The following HDLBP variants were observed in gnomAD, a reference collection of about 807,000 sequenced individuals.
The protein encoded by HDLBP is vigilin.
In HDLBP, 30 loss-of-function variants were observed where a neutral mutation model predicts 137.3. The observed-to-expected ratio is 0.22, with a 90% CI of 0.16 to 0.30. The LOEUF (loss-of-function observed/expected upper bound fraction) is 0.30. Ranked by LOEUF, HDLBP falls within the 10% of genes least tolerant of loss-of-function variation. HDLBP has a pLI of 1.00. For missense variants in HDLBP, 1,119 were observed against 1,667.3 expected, an observed-to-expected ratio of 0.67 and a Z score of 5.73; for synonymous variants, 606 against 596.0, an observed-to-expected ratio of 1.02 and a Z score of -0.24.
chr2:241,273,849 C>G (rs1268779915), intron 1 of HDLBP, among the ~76,000 whole-genome samples: 1 of 142,808 alleles, frequency 7.0e-6, no homozygotes, highest in South Asian at 2.2e-4. Context: ...CAGGATCAGA[C>G]GTGTTTTTTT....
chr2:241,240,373 C>G lies in HDLBP; in HGVS notation c.2170-251G>C, dbSNP rs563221269. On this transcript the variant is annotated intron_variant, in intron 17 of 27. Transcript: ENST00000310931. The surrounding 1 kb of genome is among the most constrained non-coding windows in gnomAD (Gnocchi z 5.5). ...TGGGATGAACACACAGGCTTAGAAC[C>G]CTGGTCCTGCCACTTACAAGCACTG... Among the ~76,000 whole-genome samples the G allele has an allele frequency of 3.3e-5, 5 of 152,330 alleles. No individual in the cohort carries two copies. The highest frequency in any genetic ancestry group is 1.3e-4 in the Admixed American group (2 of 15,302).
chr2:241,290,114 A>AAC (rs2074962839), intron 1 of HDLBP, among the ~76,000 whole-genome samples: 2 of 152,228 alleles, frequency 1.3e-5, no homozygotes. Flanking sequence ...CAGTTAATGA[A>AAC]AAGAGCAACG....
chr2:241,303,179 C>T (rs1485424203), intron 1 of HDLBP, among the ~76,000 whole-genome samples: 23 of 152,182 alleles, frequency 1.5e-4, no homozygotes, highest in South Asian at 4.1e-4. Context: ...GCCAGCCAAA[C>T]GAGCTGTGAT....
In HDLBP at chr2:241,233,724, G is replaced by T; in HGVS notation, c.3288+96C>A. ...ACTTGCCACTCTCAACTTGGCCCTC[G>T]AACCCCCATCTAGGCACATCTGGTT... On this transcript the variant is annotated intron_variant, in intron 24 of 27. Transcript: ENST00000310931. The surrounding 1 kb of genome is among the most constrained non-coding windows in gnomAD (Gnocchi z 4.3). The T allele has an allele frequency of 7.1e-7, 1 of 1,411,546 alleles. No homozygotes were observed. Among genetic ancestry groups the T allele is most frequent in the Non-Finnish European group, 9.8e-7 (1 of 1,017,138 alleles). The allele number at this position is 1,411,546 out of a possible 1,614,324, so 87.4% of individuals were successfully genotyped here.
At chr2:241,271,748 TG>T (rs1170774941) in intron 1 of HDLBP, among the ~76,000 whole-genome samples, 2 of 151,862 alleles carry the variant, frequency 1.3e-5, no homozygotes, top group Non-Finnish European at 2.9e-5. Context: ...AGCCTCCGGC[TG>T]AAACCCAGAC....
chr2:241,253,000 G>T lies in HDLBP; in HGVS notation c.1329C>A (p.Asp443Glu), dbSNP rs1169568768. The T allele has an allele frequency of 6.2e-7, 1 of 1,609,426 alleles. No homozygotes were observed. The highest frequency in any genetic ancestry group is 8.5e-7 in the Non-Finnish European group (1 of 1,176,132). Residue 443 changes from aspartate to glutamate, a missense_variant, in exon 11 of 28, where the codon GAC (aspartate) becomes GAA (glutamate). This residue lies in a region of HDLBP where 425 missense variants were observed against 693.9 expected (regional missense o/e 0.61). Transcript: ENST00000310931. ...NRMDYVEINI[D>E]HKFHRHLIGK... Reference sequence around the variant, plus strand: ...CAATGAGGTGCCTGTGGAACTTGTGGTCGATGTTGATCTCCACATAGTCCA... The same window carrying T: ...CAATGAGGTGCCTGTGGAACTTGTGTTCGATGTTGATCTCCACATAGTCCA...
intron 16 of HDLBP, among the ~76,000 whole-genome samples, chr2:241,244,104 G>A (rs2071490435): frequency 1.3e-5 from 2 of 152,268 alleles, no homozygotes; most frequent in South Asian, 4.1e-4. Flanking sequence ...AAATGAAAAT[G>A]ATATTAGATG....
At chr2:241,298,410 G>T (rs557172290) in intron 1 of HDLBP, among the ~76,000 whole-genome samples, 1 of 151,970 alleles carries the variant, frequency 6.6e-6, no homozygotes, top group South Asian at 2.1e-4. Context: ...AATAAATAAA[G>T]GACACAGGAG....
intron 24 of HDLBP, among the ~76,000 whole-genome samples, chr2:241,231,868 C>G (rs1231746471): frequency 6.6e-6 from 1 of 151,160 alleles, no homozygotes; most frequent in Non-Finnish European, 1.5e-5. Flanking sequence ...CAAAAACCAC[C>G]ATGCAACAGG....
At position 241,236,284 on chromosome 2, in the gene HDLBP, G is replaced by GA; in HGVS notation, c.2904+330dup. The stretch of plus-strand genomic sequence containing the variant: ...CCTGATAACCCCACTCACGCGGGGG[G>GA]AGACGTTGCAACTGGAGGTCACATT... On this transcript the variant is annotated intron_variant, in intron 21 of 27. Coordinates refer to ENST00000310931, the MANE Select transcript of HDLBP (RefSeq NM_005336.6). 5 of 345,614 alleles carry GA rather than the reference G, an allele frequency of 1.4e-5. No individual in the cohort carries two copies. The South Asian group carries it at 2.0e-4, about 14-fold the overall frequency. 21.4% of individuals were successfully genotyped at this position (345,614 alleles called of 1,614,324 possible). A position where few individuals can be genotyped will look rare whatever the true frequency, so the allele number is the denominator to read the frequency against.
rs2069632467 is a variant in HDLBP, at chr2:241,230,662, A to G, written c.3474+97T>C. ...CCAGCCCTGGGGTTGTGGCCTCATC[A>G]TCTTGAGGGGAAGGCCATGCCCTGC... On this transcript the variant is annotated intron_variant, in intron 25 of 27. Coordinates refer to ENST00000310931, the MANE Select transcript of HDLBP (RefSeq NM_005336.6). The surrounding 1 kb of genome is among the most constrained non-coding windows in gnomAD (Gnocchi z 5.0). 6 of 1,062,456 alleles carry G rather than the reference A, an allele frequency of 5.6e-6. No homozygotes were observed. In the East Asian group the frequency reaches 1.0e-4, roughly 18 times the overall value. The allele number at this position is 1,062,456 out of a possible 1,614,324, so 65.8% of individuals were successfully genotyped here. A position where few individuals can be genotyped will look rare whatever the true frequency, so the allele number is the denominator to read the frequency against.
chr2:241,242,797 G>T, intron 16 of HDLBP, 119 bp from the exon 17 acceptor site: 1 of 891,986 alleles, frequency 1.1e-6, no homozygotes, highest in Non-Finnish European at 1.8e-6. Context: ...CCCTGGAGAT[G>T]CCACTTACAA....
intron 22 of HDLBP, 108 bp downstream of exon 22, chr2:241,235,382 C>T (rs779561360): frequency 5.0e-5 from 75 of 1,489,994 alleles, no homozygotes; most frequent in East Asian, 2.0e-4. Context: ...GTGCCCAGTC[C>T]GAGCAGGAGG....
rs148955844 is a variant in HDLBP, at chr2:241,250,194, G to C, written c.1373-214C>G. The C allele has an allele frequency of 4.0e-3, 1,782 of 450,388 alleles. 9 individuals carry two copies. Among genetic ancestry groups the C allele is most frequent in the Non-Finnish European group, 4.5e-3 (1,158 of 256,634 alleles). 27.9% of individuals were successfully genotyped at this position (450,388 alleles called of 1,614,324 possible). A position where few individuals can be genotyped will look rare whatever the true frequency, so the allele number is the denominator to read the frequency against. ...GGATCACAAGGGTTCTGGAGGACAG[G>C]CTCTCAGCCTGGACCAGAAGCTGGA... On this transcript the variant is annotated intron_variant, in intron 11 of 27. Coordinates refer to ENST00000310931, the MANE Select transcript of HDLBP (RefSeq NM_005336.6).
chr2:241,302,942 G>A (rs564698023), intron 1 of HDLBP, among the ~76,000 whole-genome samples: 2 of 152,188 alleles, frequency 1.3e-5, no homozygotes, highest in African/African-American at 4.8e-5. Context: ...CGAGGTAAGA[G>A]AGTCTTTGCT....
intron 1 of HDLBP, among the ~76,000 whole-genome samples, chr2:241,304,992 T>C (rs1488346613): frequency 6.6e-6 from 1 of 152,276 alleles, no homozygotes; most frequent in Non-Finnish European, 1.5e-5. Flanking sequence ...AGACAGCACT[T>C]AACCCGAGCT....
chr2:241,267,796 C>T (rs2073790978), intron 2 of HDLBP: 2 of 1,484,362 alleles, frequency 1.3e-6, no homozygotes, highest in African/African-American at 1.4e-5. Context: ...TCCACACTGA[C>T]TGGTTATTCT....
chr2:241,289,201 G>A lies in HDLBP; in HGVS notation c.-102-20660C>T, dbSNP rs114251724. ...CAGGTTTTCTCCTCTCAAGGGTGGAGAGCATGTGGCACTCCAATGTGCGAT... is the reference window on the plus strand; with the variant it reads ...CAGGTTTTCTCCTCTCAAGGGTGGAAAGCATGTGGCACTCCAATGTGCGAT... On this transcript the variant is annotated intron_variant, in intron 1 of 27. Coordinates refer to ENST00000310931, the MANE Select transcript of HDLBP (RefSeq NM_005336.6). Among the ~76,000 whole-genome samples the A allele has an allele frequency of 5.1e-3, 778 of 152,280 alleles. 5 individuals carry two copies. Among genetic ancestry groups the A allele is most frequent in the African/African-American group, 0.018 (744 of 41,546 alleles).
rs2069576977 is a variant in HDLBP at position 241,230,216 on chromosome 2, CA to C, written c.3527del (p.Val1176GlyfsTer23). The C allele has an allele frequency of 6.2e-7, 1 of 1,613,100 alleles. No individual in the cohort carries two copies. The highest frequency in any genetic ancestry group is 8.5e-7 in the Non-Finnish European group (1 of 1,179,374). ...CCTCCACATTCTCTGGGAGCCCCGT[CA>C]CAGTGACGCAGTTGGGGTCTGGGGC... ...SGAPDPNCVT[V>X]TGLPENVEEA... On this transcript the variant is annotated frameshift_variant, in exon 26 of 28. Transcript: ENST00000310931. LOFTEE classifies it high-confidence loss of function. This position sits in a 1 kb window ranked among gnomAD's most constrained non-coding sequence, Gnocchi z 5.0.
Sources: gnomAD v4.1 joint callset for allele counts (sites outside exome capture counted in the v4.1 genomes callset) on GRCh38, gnomAD v4.1.1 for gene constraint, gnomAD v4.1.1 regional missense constraint, Gnocchi (gnomAD v3.1) non-coding constraint, MANE v1.5 for transcripts, NCBI Gene and HGNC (gene_info 2026-07-23, HGNC 2026-07-21) for gene names.